Variants in ASCL4 observed in about 807,000 individuals in gnomAD.
The protein encoded by ASCL4 is achaete-scute family bHLH transcription factor 4.
ASCL4 carries 1 observed loss-of-function variant against 0.3 expected under a neutral mutation model. That is an observed-to-expected ratio of 3.35 (90% CI 1.19 to 15.89). ASCL4 has a LOEUF of 15.89. Ranked by LOEUF, ASCL4 falls within the 30% of genes most tolerant of loss-of-function variation. ASCL4 has a pLI of 0.12. For synonymous variants in ASCL4, 137 were observed against 119.5 expected (o/e 1.15, Z -0.96); for missense variants, 330 against 256.9 (o/e 1.28, Z -1.94).
In ASCL4 at chr12:107,775,432, G is replaced by T; in HGVS notation, c.214G>T (p.Ala72Ser). 3.8e-6 allele frequency: 6 copies of T among 1,570,444 alleles called. No homozygotes were observed. Among genetic ancestry groups the T allele is most frequent in the Non-Finnish European group, 4.3e-6 (5 of 1,165,068 alleles). The change falls in exon 1 of 1, where the codon GCC becomes TCC. Residue 72 changes from alanine to serine, a missense_variant. Coordinates refer to ENST00000342331, the MANE Select transcript of ASCL4 (RefSeq NM_203436.3). ...PVPLDSAFEPAFLRKRNERER... is the reference protein window; with the variant it reads ...PVPLDSAFEPSFLRKRNERER... Reference sequence around the variant, plus strand: ...GCCGCTGGACAGCGCCTTCGAGCCCGCCTTCCTCCGCAAGCGCAACGAGCG... The same window carrying T: ...GCCGCTGGACAGCGCCTTCGAGCCCTCCTTCCTCCGCAAGCGCAACGAGCG...
Position 107,775,415 on chromosome 12 carries a change from A to T in ASCL4, c.197A>T (p.Asp66Val). 2 of 1,582,344 alleles carry T rather than the reference A, an allele frequency of 1.3e-6. No individual in the cohort carries two copies. Among genetic ancestry groups the T allele is most frequent in the Non-Finnish European group, 1.7e-6 (2 of 1,169,250 alleles). The change falls in exon 1 of 1, where the codon GAC (aspartate) becomes GTC (valine). Residue 66 changes from aspartate (D) to valine (V), a missense_variant. Coordinates refer to ENST00000342331, the MANE Select transcript of ASCL4 (RefSeq NM_203436.3). Reference sequence around the variant, plus strand: ...TGGCAGTACTTGCCCGTGCCGCTGGACAGCGCCTTCGAGCCCGCCTTCCTC... The same window carrying T: ...TGGCAGTACTTGCCCGTGCCGCTGGTCAGCGCCTTCGAGCCCGCCTTCCTC... The part of the protein sequence containing the change: ...RGWQYLPVPL[D>V]SAFEPAFLRK...
rs752250733 is a variant in ASCL4 at position 107,775,176 on chromosome 12, A to G, written c.-43A>G. On this transcript the variant is annotated 5_prime_UTR_variant, in exon 1 of 1. Transcript: ENST00000342331. Reference sequence around the variant, plus strand: ...GATTCTGTTTCGTCTTCTTCTATTGAGAGATTGACCTCTTGAGTGATTTGT... The same window carrying G: ...GATTCTGTTTCGTCTTCTTCTATTGGGAGATTGACCTCTTGAGTGATTTGT... The G allele has an allele frequency of 1.3e-5, 21 of 1,590,308 alleles. No individual in the cohort carries two copies. Among genetic ancestry groups the G allele is most frequent in the Non-Finnish European group, 1.7e-5 (20 of 1,165,676 alleles).
rs201149043 is a variant in ASCL4 at position 107,775,174 on chromosome 12, T to C, written c.-45T>C. The C allele has an allele frequency of 4.4e-5, 70 of 1,589,478 alleles. 1 individual carries two copies. In the Admixed American group the frequency reaches 7.9e-4, roughly 18 times the overall value. On this transcript the variant is annotated 5_prime_UTR_variant, in exon 1 of 1. Transcript: ENST00000342331. The stretch of plus-strand genomic sequence containing the variant: ...AAGATTCTGTTTCGTCTTCTTCTAT[T>C]GAGAGATTGACCTCTTGAGTGATTT...
At position 107,775,696 on chromosome 12, in the gene ASCL4, G is replaced by A. The variant is rs760909939; in HGVS notation, c.478G>A (p.Ala160Thr). 1.2e-5 allele frequency: 18 copies of A among 1,469,682 alleles called. No individual in the cohort carries two copies. The highest frequency in any genetic ancestry group is 1.6e-5 in the Non-Finnish European group (18 of 1,120,802). The allele number at this position is 1,469,682 out of a possible 1,614,324, so 91.0% of individuals were successfully genotyped here. ...CGACGGGGAGTCCAAGGCCTCTTCG[G>A]CGCCTTCGCCCAGCAGCGAGCCCGA... Reference protein sequence around the residue: ...NSDGESKASSAPSPSSEPEEG... With the variant: ...NSDGESKASSTPSPSSEPEEG... Residue 160 changes from alanine (A) to threonine (T), a missense_variant, in exon 1 of 1, where the codon GCG (alanine) becomes ACG (threonine). Coordinates refer to ENST00000342331, the MANE Select transcript of ASCL4 (RefSeq NM_203436.3).
In ASCL4 at chr12:107,775,186, C is replaced by T. The variant is rs1302709035; in HGVS notation, c.-33C>T. 3.1e-6 allele frequency: 5 copies of T among 1,603,492 alleles called. No individual in the cohort carries two copies. The highest frequency in any genetic ancestry group is 1.3e-5 in the African/African-American group (1 of 74,196). ...CGTCTTCTTCTATTGAGAGATTGACCTCTTGAGTGATTTGTGTGCTTTCCG... is the reference window on the plus strand; with the variant it reads ...CGTCTTCTTCTATTGAGAGATTGACTTCTTGAGTGATTTGTGTGCTTTCCG... On this transcript the variant is annotated 5_prime_UTR_variant, in exon 1 of 1. Transcript: ENST00000342331.
Position 107,775,707 on chromosome 12 carries a change from C to A in ASCL4, c.489C>A (p.Pro163=), listed in dbSNP as rs1891452258. 4.1e-6 allele frequency: 6 copies of A among 1,457,664 alleles called. No homozygotes were observed. Among genetic ancestry groups the A allele is most frequent in the Middle Eastern group, 2.4e-4 (1 of 4,250 alleles). 90.3% of individuals were successfully genotyped at this position (1,457,664 alleles called of 1,614,324 possible). The change falls in exon 1 of 1, where the codon CCC becomes CCA. Residue 163 remains proline (P), a synonymous_variant. Coordinates refer to ENST00000342331, the MANE Select transcript of ASCL4 (RefSeq NM_203436.3). Reference sequence around the variant, plus strand: ...CCAAGGCCTCTTCGGCGCCTTCGCCCAGCAGCGAGCCCGAGGAGGGGGGCA... The same window carrying A: ...CCAAGGCCTCTTCGGCGCCTTCGCCAAGCAGCGAGCCCGAGGAGGGGGGCA... ...GESKASSAPS[P]SSEPEEGGS
At position 107,775,575 on chromosome 12, in the gene ASCL4, C is replaced by T. The variant is rs760609888; in HGVS notation, c.357C>T (p.Asp119=). 1.3e-5 allele frequency: 20 copies of T among 1,581,188 alleles called. No individual in the cohort carries two copies. The highest frequency in any genetic ancestry group is 1.7e-5 in the Non-Finnish European group (20 of 1,172,268). The change falls in exon 1 of 1, where the codon GAC becomes GAT. Residue 119 remains aspartate, a synonymous_variant. Transcript: ENST00000342331. The part of the protein sequence containing the change: ...SKVETLRAAI[D]YIKHLQELLE... ...TGGAGACGCTCCGCGCTGCCATCGACTACATCAAGCACCTGCAGGAGCTGC... is the reference window on the plus strand; with the variant it reads ...TGGAGACGCTCCGCGCTGCCATCGATTACATCAAGCACCTGCAGGAGCTGC...
Position 107,775,767 on chromosome 12 carries a change from G to C in ASCL4, c.*30G>C, listed in dbSNP as rs757944249. On this transcript the variant is annotated 3_prime_UTR_variant, in exon 1 of 1. Transcript: ENST00000342331. ...CGCCCGAACTGGCCAGGACCCCCGC[G>C]CCCGCCGCACAGCGCGCAGCCGGGC... 11 of 1,385,444 alleles carry C rather than the reference G, an allele frequency of 7.9e-6. No individual in the cohort carries two copies. The South Asian group carries it at 1.8e-4, about 23-fold the overall frequency. The allele number at this position is 1,385,444 out of a possible 1,614,324, so 85.8% of individuals were successfully genotyped here.
Position 107,775,556 on chromosome 12 carries a change from C to T in ASCL4, c.338C>T (p.Thr113Met), listed in dbSNP as rs1043669711. The change falls in exon 1 of 1, where the codon ACG (threonine) becomes ATG (methionine). Residue 113 changes from threonine (T) to methionine (M), a missense_variant. Coordinates refer to ENST00000342331, the MANE Select transcript of ASCL4 (RefSeq NM_203436.3). ...GACAAGCGCCTCAGCAAAGTGGAGA[C>T]GCTCCGCGCTGCCATCGACTACATC... Reference protein sequence around the residue: ...LADKRLSKVETLRAAIDYIKH... With the variant: ...LADKRLSKVEMLRAAIDYIKH... 1 of 1,577,038 alleles carries T rather than the reference C, an allele frequency of 6.3e-7. No homozygotes were observed. Among genetic ancestry groups the T allele is most frequent in the South Asian group, 1.1e-5 (1 of 87,930 alleles).
In ASCL4 at chr12:107,775,783, G is replaced by T; in HGVS notation, c.*46G>T. On this transcript the variant is annotated 3_prime_UTR_variant, in exon 1 of 1. Coordinates refer to ENST00000342331, the MANE Select transcript of ASCL4 (RefSeq NM_203436.3). ...GACCCCCGCGCCCGCCGCACAGCGC[G>T]CAGCCGGGCGCTCAACCTAAGGTCC... 1 of 1,379,400 alleles carries T rather than the reference G, an allele frequency of 7.2e-7. No individual in the cohort carries two copies. Among genetic ancestry groups the T allele is most frequent in the Non-Finnish European group, 9.3e-7 (1 of 1,070,332 alleles). The allele number at this position is 1,379,400 out of a possible 1,614,324, so 85.4% of individuals were successfully genotyped here. A position where few individuals can be genotyped will look rare whatever the true frequency, so the allele number is the denominator to read the frequency against.
Position 107,775,484 on chromosome 12 carries a change from A to G in ASCL4, c.266A>G (p.Asn89Ser). 6.4e-7 allele frequency: 1 copy of G among 1,572,526 alleles called. No individual in the cohort carries two copies. The highest frequency in any genetic ancestry group is 1.1e-5 in the South Asian group (1 of 87,914). Residue 89 changes from asparagine (N) to serine (S), a missense_variant, in exon 1 of 1, where the codon AAC (asparagine) becomes AGC (serine). Physicochemically the swap from Asn to Ser is conservative, Grantham distance 46 (BLOSUM62 1). Coordinates refer to ENST00000342331, the MANE Select transcript of ASCL4 (RefSeq NM_203436.3). The stretch of plus-strand genomic sequence containing the variant: ...GAGCGGCAGCGGGTGCGCTGCGTGA[A>G]CGAGGGCTATGCGCGCCTCCGAGAC... ...ERERQRVRCVNEGYARLRDHL... is the reference protein window; with the variant it reads ...ERERQRVRCVSEGYARLRDHL...
Position 107,775,123 on chromosome 12 carries a change from C to T in ASCL4, c.-96C>T. 2.7e-6 allele frequency: 4 copies of T among 1,494,858 alleles called. No individual in the cohort carries two copies. Among genetic ancestry groups the T allele is most frequent in the African/African-American group, 1.4e-5 (1 of 70,442 alleles). 92.6% of individuals were successfully genotyped at this position (1,494,858 alleles called of 1,614,324 possible). ...GCAAAGACAGACCCACTGAGCCAGG[C>T]AGTCTGCACCAGCACCTCTGCTTCT... On this transcript the variant is annotated 5_prime_UTR_variant, in exon 1 of 1. Transcript: ENST00000342331.
Position 107,775,276 on chromosome 12 carries a change from C to A in ASCL4, c.58C>A (p.Pro20Thr). ...LALPYSLRTA[P>T]LGVPGTLPGL... ...CTTGCCATACTCGCTGCGCACCGCG[C>A]CCCTGGGCGTTCCGGGGACCCTGCC... Residue 20 changes from proline (P) to threonine (T), a missense_variant, in exon 1 of 1, where the codon CCC becomes ACC. Transcript: ENST00000342331. 6.2e-7 allele frequency: 1 copy of A among 1,612,752 alleles called. No homozygotes were observed. The highest frequency in any genetic ancestry group is 8.5e-7 in the Non-Finnish European group (1 of 1,179,412).
chr12:107,775,266 GCGCAC>G lies in ASCL4; in HGVS notation c.52_56del (p.Thr18AlafsTer230). Reference sequence around the variant, plus strand: ...AACGGCTGGCCTTGCCATACTCGCTGCGCACCGCGCCCCTGGGCGTTCCGGGGACC... The same window carrying G: ...AACGGCTGGCCTTGCCATACTCGCTGCGCGCCCCTGGGCGTTCCGGGGACC... On this transcript the variant is annotated frameshift_variant, in exon 1 of 1. Transcript: ENST00000342331. LOFTEE classifies it low-confidence loss of function (END_TRUNC). 1 of 1,612,962 alleles carries G rather than the reference GCGCAC, an allele frequency of 6.2e-7. No homozygotes were observed. Among genetic ancestry groups the G allele is most frequent in the Non-Finnish European group, 8.5e-7 (1 of 1,179,538 alleles).
rs563540157 is a variant in ASCL4, at chr12:107,775,773, C to G, written c.*36C>G. 10 of 1,382,082 alleles carry G rather than the reference C, an allele frequency of 7.2e-6. No homozygotes were observed. The East Asian group carries it at 2.6e-4, about 36-fold the overall frequency. 85.6% of individuals were successfully genotyped at this position (1,382,082 alleles called of 1,614,324 possible). On this transcript the variant is annotated 3_prime_UTR_variant, in exon 1 of 1. Transcript: ENST00000342331. The stretch of plus-strand genomic sequence containing the variant: ...AACTGGCCAGGACCCCCGCGCCCGC[C>G]GCACAGCGCGCAGCCGGGCGCTCAA...
Position 107,775,767 on chromosome 12 carries a change from G to A in ASCL4, c.*30G>A, listed in dbSNP as rs757944249. ...CGCCCGAACTGGCCAGGACCCCCGC[G>A]CCCGCCGCACAGCGCGCAGCCGGGC... On this transcript the variant is annotated 3_prime_UTR_variant, in exon 1 of 1. Coordinates refer to ENST00000342331, the MANE Select transcript of ASCL4 (RefSeq NM_203436.3). The A allele has an allele frequency of 3.7e-5, 51 of 1,385,444 alleles. 1 individual carries two copies. The East Asian group carries it at 1.4e-3, about 38-fold the overall frequency. 85.8% of individuals were successfully genotyped at this position (1,385,444 alleles called of 1,614,324 possible).
chr12:107,775,230 T>C lies in ASCL4; in HGVS notation c.12T>C (p.Arg4=), dbSNP rs748227363. The change falls in exon 1 of 1, where the codon CGT becomes CGC. Residue 4 remains arginine (R), a synonymous_variant. Coordinates refer to ENST00000342331, the MANE Select transcript of ASCL4 (RefSeq NM_203436.3). ...CTTTCCGGCAAATGATGGAGACGCGTAAACCGGCGGAACGGCTGGCCTTGC... is the reference window on the plus strand; with the variant it reads ...CTTTCCGGCAAATGATGGAGACGCGCAAACCGGCGGAACGGCTGGCCTTGC... MET[R]KPAERLALPY... 3 of 1,611,564 alleles carry C rather than the reference T, an allele frequency of 1.9e-6. No individual in the cohort carries two copies. In the Admixed American group the frequency reaches 5.0e-5, roughly 27 times the overall value.
Position 107,775,381 on chromosome 12 carries a change from G to T in ASCL4, c.163G>T (p.Ala55Ser). Reference protein sequence around the residue: ...ACWEWARSGCARGWQYLPVPL... With the variant: ...ACWEWARSGCSRGWQYLPVPL... Reference sequence around the variant, plus strand: ...CTGGGAGTGGGCGCGCAGCGGCTGCGCACGGGGATGGCAGTACTTGCCCGT... The same window carrying T: ...CTGGGAGTGGGCGCGCAGCGGCTGCTCACGGGGATGGCAGTACTTGCCCGT... The change falls in exon 1 of 1, where the codon GCA becomes TCA. Residue 55 changes from alanine to serine, a missense_variant. Transcript: ENST00000342331. 1.2e-6 allele frequency: 2 copies of T among 1,600,642 alleles called. No individual in the cohort carries two copies. Among genetic ancestry groups the T allele is most frequent in the African/African-American group, 2.7e-5 (2 of 74,500 alleles).
In ASCL4 at chr12:107,774,857, C is replaced by A. The variant is rs968217643; in HGVS notation, c.-362C>A. The A allele has an allele frequency of 3.7e-5, 9 of 243,898 alleles. No homozygotes were observed. Among genetic ancestry groups the A allele is most frequent in the Admixed American group, 2.2e-4 (4 of 18,568 alleles). 15.1% of individuals were successfully genotyped at this position (243,898 alleles called of 1,614,324 possible). On this transcript the variant is annotated 5_prime_UTR_variant, in exon 1 of 1. Coordinates refer to ENST00000342331, the MANE Select transcript of ASCL4 (RefSeq NM_203436.3). The stretch of plus-strand genomic sequence containing the variant: ...AGCTTTTGGTGGCTTTGGAAGATGA[C>A]TCTGGTGTGAGCTCACCTTTCCAGG...
Sources: gnomAD v4.1 joint callset for allele counts on GRCh38, gnomAD v4.1.1 for gene constraint, MANE v1.5 for transcripts, NCBI Gene and HGNC (gene_info 2026-07-23, HGNC 2026-07-21) for gene names.